Variants in SNTG1 observed in about 807,000 individuals in gnomAD.
SNTG1 encodes the protein gamma-1-syntrophin.
In SNTG1, 39 loss-of-function variants were observed where a neutral mutation model predicts 74.7. That is an observed-to-expected ratio of 0.52 (90% CI 0.40 to 0.68). The LOEUF is 0.68. Ranked by LOEUF, SNTG1 falls within the 30% of genes least tolerant of loss-of-function variation. The pLI is 0.00. For missense variants in SNTG1, 685 were observed against 609.5 expected (o/e 1.12, Z -1.30); for synonymous variants, 254 against 217.1 (o/e 1.17, Z -1.49).
intron 13 of SNTG1, among the ~76,000 whole-genome samples, chr8:50,624,613 T>C (rs889944107): frequency 6.6e-6 from 1 of 152,142 alleles, no homozygotes; most frequent in South Asian, 2.1e-4. Context: ...TGAGGCAGTA[T>C]TGACATCTCT....
intron 18 of SNTG1, among the ~76,000 whole-genome samples, chr8:50,784,768 C>A (rs1339150027): frequency 6.6e-6 from 1 of 152,140 alleles, no homozygotes; most frequent in African/African-American, 2.4e-5. Flanking sequence ...GATCTAACTA[C>A]AATACACTAA....
chr8:50,114,814 G>A (rs1229722006), intron 1 of SNTG1, among the ~76,000 whole-genome samples: 2 of 152,066 alleles, frequency 1.3e-5, no homozygotes, highest in African/African-American at 4.8e-5. Context: ...GCAATGAGCC[G>A]AGATCGTGCC....
chr8:49,921,308 T>C (rs1489229641), intron 1 of SNTG1, among the ~76,000 whole-genome samples: 1 of 152,078 alleles, frequency 6.6e-6, no homozygotes, highest in Non-Finnish European at 1.5e-5. Flanking sequence ...ATACCATGGT[T>C]AACAGTGTTG....
intron 1 of SNTG1, among the ~76,000 whole-genome samples, chr8:49,949,628 G>A (rs528688791): frequency 6.2e-4 from 94 of 152,140 alleles, no homozygotes; most frequent in African/African-American, 2.0e-3. Context: ...ATATTTTTCC[G>A]TTAAATATGG....
At chr8:50,528,810 T>C (rs1285406590) in intron 9 of SNTG1, among the ~76,000 whole-genome samples, 1 of 151,742 alleles carries the variant, frequency 6.6e-6, no homozygotes, top group Non-Finnish European at 1.5e-5. Flanking sequence ...TCTAAATTTT[T>C]TTTTTGCTAT....
chr8:50,460,527 GT>G (rs2093551264), intron 8 of SNTG1, among the ~76,000 whole-genome samples: 1 of 152,064 alleles, frequency 6.6e-6, no homozygotes, highest in African/African-American at 2.4e-5. Context: ...CATTGCAATT[GT>G]TTTTGAGGAC....
chr8:50,101,824 T>G (rs1357595539), intron 1 of SNTG1, among the ~76,000 whole-genome samples: 1 of 152,108 alleles, frequency 6.6e-6, no homozygotes, highest in East Asian at 1.9e-4. Context: ...TTTTTTGTCC[T>G]TGCGATAGTT....
chr8:49,947,992 A>G (rs1809359272), intron 1 of SNTG1, among the ~76,000 whole-genome samples: 1 of 152,014 alleles, frequency 6.6e-6, no homozygotes, highest in African/African-American at 2.4e-5. Context: ...TTAGCTGGTT[A>G]TGGTGTCAGG....
intron 12 of SNTG1, among the ~76,000 whole-genome samples, chr8:50,562,288 C>T (rs534863332): frequency 6.6e-6 from 1 of 152,318 alleles, no homozygotes; most frequent in East Asian, 1.9e-4. Context: ...ATTAACATTG[C>T]TAATCAGCTG....
chr8:50,724,520 T>C (rs1315562039), intron 17 of SNTG1, among the ~76,000 whole-genome samples: 1 of 152,184 alleles, frequency 6.6e-6, no homozygotes, highest in East Asian at 1.9e-4. Flanking sequence ...TAAAAGACTG[T>C]TATCTCTAAA....
intron 11 of SNTG1, among the ~76,000 whole-genome samples, chr8:50,543,580 T>TA (rs1048911342): frequency 3.4e-4 from 52 of 152,292 alleles, no homozygotes; most frequent in African/African-American, 1.2e-3. Flanking sequence ...GTAGCACATT[T>TA]AAAAAATTCA....
At chr8:50,176,136 G>A (rs181946520) in intron 2 of SNTG1, among the ~76,000 whole-genome samples, 3 of 151,792 alleles carry the variant, frequency 2.0e-5, no homozygotes. Flanking sequence ...TTTTGCTATT[G>A]TTGCTTTTGT....
chr8:49,986,564 G>A (rs1813171756), intron 1 of SNTG1, among the ~76,000 whole-genome samples: 1 of 152,060 alleles, frequency 6.6e-6, no homozygotes, highest in South Asian at 2.1e-4. Context: ...GGCCATGCCT[G>A]TAATCCCAGC....
chr8:49,961,381 A>T (rs1810668813), intron 1 of SNTG1, among the ~76,000 whole-genome samples: 1 of 152,206 alleles, frequency 6.6e-6, no homozygotes, highest in South Asian at 2.1e-4. Flanking sequence ...ACTTTTGATT[A>T]TAGGAAAAAG....
chr8:50,340,027 G>A (rs2091273753), intron 2 of SNTG1, among the ~76,000 whole-genome samples: 1 of 150,938 alleles, frequency 6.6e-6, no homozygotes, highest in East Asian at 2.0e-4. Flanking sequence ...ATACATAAAG[G>A]ATCTACACTG....
At position 50,653,106 on chromosome 8, in the gene SNTG1, T is replaced by C. The variant is rs75832680; in HGVS notation, c.850-3803T>C. 1.6e-3 allele frequency among the ~76,000 whole-genome samples: 244 copies of C among 150,414 alleles called. 5 individuals are homozygous for C. The East Asian group carries it at 0.045, about 27-fold the overall frequency. On this transcript the variant is annotated intron_variant, in intron 13 of 18. Coordinates refer to ENST00000642720, the MANE Select transcript of SNTG1 (RefSeq NM_018967.5). ...ATATAGGGTTTTTCTTTTGCTTTTG[T>C]TTTTATTTTATTTATTTATTTATTT...
At chr8:50,019,414 G>A (rs1029523275) in intron 1 of SNTG1, among the ~76,000 whole-genome samples, 8 of 151,942 alleles carry the variant, frequency 5.3e-5, no homozygotes, top group African/African-American at 9.7e-5. Context: ...ACCTTAAGAT[G>A]GATAAAGAAC....
chr8:50,104,087 G>A (rs1293035612), intron 1 of SNTG1, among the ~76,000 whole-genome samples: 3 of 152,160 alleles, frequency 2.0e-5, no homozygotes, highest in Admixed American at 2.0e-4. Flanking sequence ...AAATGAGTTA[G>A]GGAGGAGTCC....
chr8:50,411,819 A>T (rs2131399805), intron 4 of SNTG1, among the ~76,000 whole-genome samples: 2 of 152,204 alleles, frequency 1.3e-5, no homozygotes, highest in South Asian at 4.1e-4. Context: ...TCCAGTGAAA[A>T]CATTGTCACC....
Sources: allele counts gnomAD v4.1 joint callset (sites outside exome capture counted in the v4.1 genomes callset), GRCh38; gene constraint gnomAD v4.1.1; transcripts MANE v1.5; gene names NCBI Gene and HGNC (gene_info 2026-07-23, HGNC 2026-07-21).